The following GPM6B variants were observed in gnomAD, a reference collection of about 807,000 sequenced individuals.
The protein encoded by GPM6B is glycoprotein M6B.
A neutral mutation model predicts 27.2 loss-of-function variants in GPM6B; 4 were observed. The observed-to-expected ratio is 0.15, with a 90% CI of 0.07 to 0.34. The LOEUF is 0.34. Ranked by LOEUF, GPM6B falls within the 10% of genes least tolerant of loss-of-function variation. GPM6B has a pLI of 1.00. For synonymous variants in GPM6B, 124 were observed against 103.1 expected, an observed-to-expected ratio of 1.20 and a Z score of -1.23; for missense variants, 183 against 261.9, an observed-to-expected ratio of 0.70 and a Z score of 2.08.
At chrX:13,871,119 A>AAAACAAAAC (rs1569275732) in intron 1 of GPM6B, among the ~76,000 whole-genome samples, 16 of 77,276 alleles carry the variant, frequency 2.1e-4, no homozygotes, top group African/African-American at 7.0e-4. Context: ...CAAAACAAAA[A>AAAACAAAAC]AAAAAGAAGT....
rs907599284 is a variant in GPM6B, at chrX:13,783,376, T to C, written c.514A>G (p.Ile172Val). Residue 172 changes from isoleucine to valine, a missense_variant, in exon 4 of 8, where the codon ATC (isoleucine) becomes GTC (valine). Ile to Val is a conservative substitution (Grantham distance 29, BLOSUM62 3). Transcript: ENST00000316715. ...GAGGTTCAACTCACCATTCCACTGA[T>C]GCATCGGCCACAAGCGGTTGTTTTA... ...EFKTTACGRC[I>V]SGMFVFLTYV... 8.4e-7 allele frequency: 1 copy of C among 1,191,990 alleles called. No homozygotes were observed. Among genetic ancestry groups the C allele is most frequent in the Non-Finnish European group, 1.1e-6 (1 of 885,727 alleles).
At chrX:13,863,156 A>G (rs1242473419) in intron 1 of GPM6B, among the ~76,000 whole-genome samples, 1 of 112,012 alleles carries the variant, frequency 8.9e-6, no homozygotes, top group African/African-American at 3.2e-5. Flanking sequence ...GTTCTGATAA[A>G]GGGTCTTGAA....
chrX:13,824,907 G>A (rs190365743), intron 1 of GPM6B, among the ~76,000 whole-genome samples: 1 of 111,884 alleles, frequency 8.9e-6, no homozygotes, highest in East Asian at 2.8e-4. Context: ...GCGGGGCCGT[G>A]TTTTCCATGT....
At chrX:13,906,586 A>G (rs1408084627) in intron 1 of GPM6B, among the ~76,000 whole-genome samples, 2 of 112,425 alleles carry the variant, frequency 1.8e-5, no homozygotes, top group South Asian at 3.6e-4. Flanking sequence ...TGTACTCTAT[A>G]TCACTCATGT....
intron 1 of GPM6B, among the ~76,000 whole-genome samples, chrX:13,811,859 C>A (rs2049136409): frequency 9.0e-6 from 1 of 110,814 alleles, no homozygotes; most frequent in Non-Finnish European, 1.9e-5. Flanking sequence ...GGCTAAGGAT[C>A]AAAATTCTCG....
At chrX:13,905,230 C>CAAAAA (rs199791285) in intron 1 of GPM6B, among the ~76,000 whole-genome samples, 1,511 of 64,627 alleles carry the variant, frequency 0.023, 23 homozygotes, top group Admixed American at 0.032. Context: ...GGCCCTGTCT[C>CAAAAA]AAAAAAAAAA....
intron 1 of GPM6B, among the ~76,000 whole-genome samples, chrX:13,936,796 A>C (rs1283480948): frequency 1.8e-5 from 2 of 112,308 alleles, no homozygotes; most frequent in Non-Finnish European, 3.8e-5. Flanking sequence ...TGAGAACTGC[A>C]CCCAACTCCA....
intron 1 of GPM6B, among the ~76,000 whole-genome samples, chrX:13,816,588 C>G (rs894942399): frequency 4.5e-5 from 5 of 111,139 alleles, no homozygotes; most frequent in Non-Finnish European, 9.4e-5. Context: ...AATGCATCAG[C>G]CCAAGGTGAC....
At chrX:13,922,930 C>A (rs1174920089) in intron 1 of GPM6B, among the ~76,000 whole-genome samples, 2 of 112,034 alleles carry the variant, frequency 1.8e-5, no homozygotes, top group African/African-American at 6.5e-5. Context: ...AATCCCAGCA[C>A]TTTGGGAGGT....
chrX:13,854,967 T>G (rs2049763287), intron 1 of GPM6B, among the ~76,000 whole-genome samples: 1 of 110,949 alleles, frequency 9.0e-6, no homozygotes, highest in African/African-American at 3.3e-5. Flanking sequence ...GATATAACCA[T>G]GTAGCCAGGT....
rs1291320804 is a variant in GPM6B at position 13,842,378 on chromosome X, A to C, written c.-197-56570T>G. Among the ~76,000 whole-genome samples, 8 of 112,015 alleles carry C rather than the reference A, an allele frequency of 7.1e-5. No homozygotes were observed. In the Admixed American group the frequency reaches 7.6e-4, roughly 11 times the overall value. The stretch of plus-strand genomic sequence containing the variant: ...TTGCCAGGGAGAGAAAATTTGGCGA[A>C]ATATATCATAAAGTGCAAATTTAGA... On this transcript the variant is annotated intron_variant, in intron 1 of 6. Transcript: ENST00000398361.
intron 1 of GPM6B, among the ~76,000 whole-genome samples, chrX:13,838,903 T>G (rs1263823601): frequency 9.0e-6 from 1 of 111,559 alleles, no homozygotes; most frequent in East Asian, 2.8e-4. Flanking sequence ...ACCTATTGAC[T>G]GGACCCCTCC....
chrX:13,861,307 T>C (rs183269052), intron 1 of GPM6B, among the ~76,000 whole-genome samples: 4 of 110,471 alleles, frequency 3.6e-5, no homozygotes, highest in Middle Eastern at 4.7e-3. Context: ...TGATTTTTTT[T>C]CCCCCTGGGT....
At chrX:13,936,720 C>G (rs1921858208) in intron 1 of GPM6B, among the ~76,000 whole-genome samples, 1 of 111,993 alleles carries the variant, frequency 8.9e-6, no homozygotes, top group African/African-American at 3.2e-5. Flanking sequence ...AAATGTGGAG[C>G]CAACAATTGT....
intron 1 of GPM6B, among the ~76,000 whole-genome samples, chrX:13,858,148 T>C (rs1379405422): frequency 8.9e-6 from 1 of 112,214 alleles, no homozygotes; most frequent in African/African-American, 3.2e-5. Context: ...TGATAAGGCA[T>C]CCTACTGCTT....
intron 1 of GPM6B, among the ~76,000 whole-genome samples, chrX:13,873,152 AAT>A (rs2049997905): frequency 2.3e-4 from 2 of 8,659 alleles, no homozygotes; most frequent in South Asian, 0.012. Context: ...TAGCGTAAGG[AAT>A]TTTTTTTTTT....
At chrX:13,778,072 GAC>G (rs1404235816) in intron 5 of GPM6B, among the ~76,000 whole-genome samples, 4 of 91,303 alleles carry the variant, frequency 4.4e-5, no homozygotes, top group Non-Finnish European at 8.4e-5. Context: ...TTTTTTTTGA[GAC>G]AGTCTTGCTC....
chrX:13,834,074 G>T (rs1035715682), intron 1 of GPM6B, among the ~76,000 whole-genome samples: 1 of 112,381 alleles, frequency 8.9e-6, no homozygotes, highest in African/African-American at 3.2e-5. Context: ...CTGATTATCC[G>T]GTCTTATTTG....
intron 1 of GPM6B, among the ~76,000 whole-genome samples, chrX:13,866,083 G>C (rs969450331): frequency 2.3e-4 from 26 of 111,842 alleles, no homozygotes; most frequent in Admixed American, 2.3e-3. Context: ...AAGAGGTCAA[G>C]CCGGGCGCAG....
Sources: allele counts gnomAD v4.1 joint callset (sites outside exome capture counted in the v4.1 genomes callset), GRCh38; gene constraint gnomAD v4.1.1; transcripts MANE v1.5; gene names NCBI Gene and HGNC (gene_info 2026-07-23, HGNC 2026-07-21).